The following GRID1 variants were observed in gnomAD, a reference collection of about 807,000 sequenced individuals.
The protein encoded by GRID1 is glutamate ionotropic receptor delta type subunit 1.
A neutral mutation model predicts 98.0 loss-of-function variants in GRID1; 28 were observed. The observed-to-expected ratio is 0.29, with a 90% CI of 0.21 to 0.39. The LOEUF (loss-of-function observed/expected upper bound fraction) is 0.39, where lower values mean the gene tolerates loss of function less well. Ranked by LOEUF, GRID1 falls within the 10% of genes least tolerant of loss-of-function variation. GRID1 has a pLI of 1.00. For missense variants in GRID1, 1,111 were observed against 1,340.5 expected, an observed-to-expected ratio of 0.83 and a Z score of 2.67; for synonymous variants, 553 against 538.5, an observed-to-expected ratio of 1.03 and a Z score of -0.37.
intron 4 of GRID1, among the ~76,000 whole-genome samples, chr10:86,091,285 C>T (rs1844144150): frequency 6.6e-6 from 1 of 152,166 alleles, no homozygotes; most frequent in African/African-American, 2.4e-5. Context: ...AGACTCAGGG[C>T]TATTGTGGCG....
intron 8 of GRID1, among the ~76,000 whole-genome samples, chr10:85,823,040 A>T (rs1487722632): frequency 6.6e-6 from 1 of 152,124 alleles, no homozygotes; most frequent in Admixed American, 6.5e-5. Flanking sequence ...GCCTGTCATG[A>T]GTTGCGGGGA....
chr10:86,334,503 C>T (rs77220905), intron 2 of GRID1, among the ~76,000 whole-genome samples: 1,645 of 152,256 alleles, frequency 0.011, 30 homozygotes, highest in African/African-American at 0.037. Flanking sequence ...GGTTATGGTT[C>T]GTGTCACATG....
intron 8 of GRID1, among the ~76,000 whole-genome samples, chr10:85,732,001 G>A (rs977456418): frequency 6.6e-6 from 1 of 152,098 alleles, no homozygotes; most frequent in African/African-American, 2.4e-5. Flanking sequence ...TTAAGATACA[G>A]AATTGGTTCC....
chr10:85,685,324 G>A (rs566040220), intron 12 of GRID1, among the ~76,000 whole-genome samples: 125 of 152,258 alleles, frequency 8.2e-4, no homozygotes, highest in Admixed American at 1.8e-3. Flanking sequence ...AAGATATCAT[G>A]AAAATGTCAA....
At chr10:86,199,393 G>A (rs1405562015) in intron 3 of GRID1, among the ~76,000 whole-genome samples, 1 of 152,088 alleles carries the variant, frequency 6.6e-6, no homozygotes, top group Non-Finnish European at 1.5e-5. Flanking sequence ...GCTAATTTCT[G>A]ATGTCATCAA....
At chr10:85,693,751 G>A (rs766678178) in intron 12 of GRID1, among the ~76,000 whole-genome samples, 20 of 152,148 alleles carry the variant, frequency 1.3e-4, no homozygotes, top group Non-Finnish European at 2.6e-4. Flanking sequence ...AATGAAGTTG[G>A]ACCCTTATCT....
At chr10:85,984,241 G>C (rs566050494) in intron 4 of GRID1, among the ~76,000 whole-genome samples, 1 of 152,208 alleles carries the variant, frequency 6.6e-6, no homozygotes, top group South Asian at 2.1e-4. Flanking sequence ...CCCCAATCTG[G>C]GGGCCTCAGT....
At chr10:85,785,136 G>A (rs1398258517) in intron 8 of GRID1, among the ~76,000 whole-genome samples, 1 of 152,178 alleles carries the variant, frequency 6.6e-6, no homozygotes, top group East Asian at 1.9e-4. Context: ...GTGCACCCTA[G>A]CAATCAGGAA....
chr10:86,198,557 A>G (rs1366735898), intron 3 of GRID1, among the ~76,000 whole-genome samples: 1 of 152,148 alleles, frequency 6.6e-6, no homozygotes, highest in African/African-American at 2.4e-5. Flanking sequence ...CTATTGACTC[A>G]TTTAATCCAC....
At chr10:85,777,962 C>T (rs1022817154) in intron 8 of GRID1, among the ~76,000 whole-genome samples, 4 of 152,170 alleles carry the variant, frequency 2.6e-5, no homozygotes, top group Non-Finnish European at 5.9e-5. Context: ...TATTTCTGTA[C>T]ATGGTCTATC....
intron 10 of GRID1, among the ~76,000 whole-genome samples, chr10:85,725,249 T>C (rs1245093862): frequency 4.6e-5 from 7 of 152,210 alleles, no homozygotes; most frequent in Non-Finnish European, 8.8e-5. Context: ...TATGTAGACT[T>C]CATGCCAGAG....
intron 2 of GRID1, among the ~76,000 whole-genome samples, chr10:86,246,233 A>G (rs905472613): frequency 6.6e-6 from 1 of 152,112 alleles, no homozygotes; most frequent in African/African-American, 2.4e-5. Flanking sequence ...AGCTGCACTC[A>G]CCGGCCCTGC....
At chr10:85,825,729 T>C (rs1842813356) in intron 8 of GRID1, among the ~76,000 whole-genome samples, 1 of 152,018 alleles carries the variant, frequency 6.6e-6, no homozygotes, top group Admixed American at 6.6e-5. Flanking sequence ...ATCAAAAATA[T>C]GGTAAGAGAG....
intron 2 of GRID1, among the ~76,000 whole-genome samples, chr10:86,281,449 T>C (rs577354129): frequency 6.6e-6 from 1 of 152,274 alleles, no homozygotes; most frequent in African/African-American, 2.4e-5. Flanking sequence ...AGGAAAACTG[T>C]AACATTTCTG....
chr10:85,671,818 GA>G (rs1373406390), intron 12 of GRID1, among the ~76,000 whole-genome samples: 1 of 152,204 alleles, frequency 6.6e-6, no homozygotes, highest in African/African-American at 2.4e-5. Context: ...TGAATTATAA[GA>G]AAGCAAAAGA....
At chr10:85,631,134 C>T (rs1842971881) in intron 13 of GRID1, among the ~76,000 whole-genome samples, 2 of 152,178 alleles carry the variant, frequency 1.3e-5, no homozygotes, top group Admixed American at 1.3e-4. Flanking sequence ...GATAAACTTC[C>T]ATAGTCCAAA....
chr10:85,782,537 C>A lies in GRID1; in HGVS notation c.1234-52923G>T, dbSNP rs1038552965. ...TAATACAGGTGTTATATGGGATGAG[C>A]AATGGGAAGTGTTAGAGTTGAAATG... is the stretch of plus-strand genomic sequence containing the variant. On this transcript the variant is annotated intron_variant, in intron 8 of 15. Transcript: ENST00000327946. Among the ~76,000 whole-genome samples, 3 of 152,130 alleles carry A rather than the reference C, an allele frequency of 2.0e-5. No individual in the cohort carries two copies. The East Asian group carries it at 5.8e-4, about 29-fold the overall frequency.
intron 3 of GRID1, among the ~76,000 whole-genome samples, chr10:86,167,962 A>G (rs1845424796): frequency 1.3e-5 from 2 of 152,250 alleles, no homozygotes. Flanking sequence ...AGGAGCTACA[A>G]GAAGCCCCAT....
At chr10:86,305,285 C>T (rs892246155) in intron 2 of GRID1, among the ~76,000 whole-genome samples, 16 of 152,158 alleles carry the variant, frequency 1.1e-4, no homozygotes, top group Admixed American at 2.6e-4. Flanking sequence ...GAAGCCCTCC[C>T]TCAACTTCCC....
Sources: gnomAD v4.1 joint callset for allele counts (sites outside exome capture counted in the v4.1 genomes callset) on GRCh38, gnomAD v4.1.1 for gene constraint, MANE v1.5 for transcripts, NCBI Gene and HGNC (gene_info 2026-07-23, HGNC 2026-07-21) for gene names.